Variants in YWHAE observed in about 807,000 individuals in gnomAD.
YWHAE encodes the protein 14-3-3 protein epsilon.
In YWHAE, 4 loss-of-function variants were observed where a neutral mutation model predicts 30.1. The observed-to-expected ratio is 0.13, with a 90% CI of 0.07 to 0.30. The LOEUF (loss-of-function observed/expected upper bound fraction) is 0.30. Ranked by LOEUF, YWHAE falls within the 10% of genes least tolerant of loss-of-function variation. The probability of loss-of-function intolerance (pLI) is 1.00; values close to 1 mark genes in which losing one functional copy is unlikely to be tolerated. For missense variants in YWHAE, 121 were observed against 315.9 expected (o/e 0.38, Z 4.68); for synonymous variants, 118 against 111.8 (o/e 1.06, Z -0.35).
intron 5 of YWHAE, among the ~76,000 whole-genome samples, chr17:1,349,704 C>G (rs1019740057): frequency 1.1e-4 from 17 of 151,726 alleles, no homozygotes; most frequent in African/African-American, 3.9e-4. Flanking sequence ...AGCTCCGCCT[C>G]TGGGTTCACC....
chr17:1,388,142 T>C (rs1375152186), intron 1 of YWHAE, among the ~76,000 whole-genome samples: 1 of 109,706 alleles, frequency 9.1e-6, no homozygotes, highest in Non-Finnish European at 1.8e-5. Context: ...TTTTTTTTTT[T>C]AGTAGAGACG....
chr17:1,361,396 T>C (rs1441048400), intron 3 of YWHAE, 98 bp from the exon 4 acceptor site: 1 of 969,588 alleles, frequency 1.0e-6, no homozygotes, highest in African/African-American at 1.7e-5. Context: ...ATATAAAATG[T>C]GACAAAAATA....
rs898404507 is a variant in YWHAE at position 1,396,257 on chromosome 17, T to TA, written c.64+3789dup. Among the ~76,000 whole-genome samples the TA allele has an allele frequency of 2.7e-4, 41 of 151,484 alleles. 1 individual carries two copies. Among genetic ancestry groups the TA allele is most frequent in the Middle Eastern group, 3.4e-3 (1 of 290 alleles). On this transcript the variant is annotated intron_variant, in intron 1 of 5. Transcript: ENST00000264335. ...CAACATGGAGAAACCGTGTCTCTAC[T>TA]AAAAAAGAAATACAAAATTAGCATG...
At chr17:1,388,727 A>G (rs1403054365) in intron 1 of YWHAE, among the ~76,000 whole-genome samples, 2 of 151,952 alleles carry the variant, frequency 1.3e-5, no homozygotes, top group African/African-American at 2.4e-5. Context: ...ACCCCCATCA[A>G]AATTTCAACA....
chr17:1,385,360 C>T (rs1212770508), intron 1 of YWHAE, among the ~76,000 whole-genome samples: 2 of 152,090 alleles, frequency 1.3e-5, no homozygotes, highest in East Asian at 3.8e-4. Context: ...GATCAGTCCC[C>T]CAGGCCTCCC....
chr17:1,351,585 C>G (rs555224078), intron 5 of YWHAE, among the ~76,000 whole-genome samples: 1 of 152,078 alleles, frequency 6.6e-6, no homozygotes, highest in South Asian at 2.1e-4. Context: ...ATGACCATTA[C>G]GAGTCCACAG....
intron 1 of YWHAE, among the ~76,000 whole-genome samples, chr17:1,377,755 T>A (rs2073146373): frequency 6.6e-6 from 1 of 152,168 alleles, no homozygotes; most frequent in Admixed American, 6.5e-5. Flanking sequence ...TCTTACTATG[T>A]AAAGACTTCC....
rs747128604 is a variant in YWHAE, at chr17:1,400,156, T to C, written c.-46A>G. The C allele has an allele frequency of 3.7e-6, 6 of 1,609,378 alleles. No homozygotes were observed. Among genetic ancestry groups the C allele is most frequent in the Non-Finnish European group, 5.1e-6 (6 of 1,176,042 alleles). Reference sequence around the variant, plus strand: ...GGTCTGCGCGACGGATGGAAGCGGATAGTGTCTCCGACTCTCTCAGCCTCT... The same window carrying C: ...GGTCTGCGCGACGGATGGAAGCGGACAGTGTCTCCGACTCTCTCAGCCTCT... On this transcript the variant is annotated 5_prime_UTR_variant, in exon 1 of 6. Coordinates refer to ENST00000264335, the MANE Select transcript of YWHAE (RefSeq NM_006761.5).
At chr17:1,393,359 A>C (rs543518475) in intron 1 of YWHAE, among the ~76,000 whole-genome samples, 72 of 151,928 alleles carry the variant, frequency 4.7e-4, no homozygotes, top group African/African-American at 1.7e-3. Flanking sequence ...TGAGAGGAGA[A>C]AATATTTTAA....
At chr17:1,373,273 A>G (rs116605173) in intron 1 of YWHAE, among the ~76,000 whole-genome samples, 11,542 of 152,156 alleles carry the variant, frequency 0.076, 584 homozygotes, top group Non-Finnish European at 0.12. Flanking sequence ...GAATACACAC[A>G]TCTATCAATT....
intron 1 of YWHAE, 192 bp downstream of exon 1, chr17:1,399,855 C>G (rs1303721658): frequency 1.5e-6 from 1 of 665,068 alleles, no homozygotes; most frequent in Admixed American, 2.5e-5. Context: ...TTAAGGACGG[C>G]GAAGGGGTCA....
chr17:1,355,598 T>C (rs2072727293), intron 4 of YWHAE, among the ~76,000 whole-genome samples: 1 of 152,014 alleles, frequency 6.6e-6, no homozygotes, highest in East Asian at 1.9e-4. Context: ...TTTACAGTTT[T>C]AAAAGAAAAT....
intron 1 of YWHAE, 146 bp from the exon 2 acceptor site, chr17:1,365,204 A>G: frequency 1.1e-6 from 1 of 923,884 alleles, no homozygotes; most frequent in Non-Finnish European, 1.6e-6. Context: ...AATATGAGTA[A>G]AAAGCCAAAA....
intron 1 of YWHAE, among the ~76,000 whole-genome samples, chr17:1,372,322 CTTCTA>C (rs1408648973): frequency 6.6e-6 from 1 of 152,206 alleles, no homozygotes; most frequent in African/African-American, 2.4e-5. Flanking sequence ...CAGGTTTGAT[CTTCTA>C]TTCAGACCAC....
At position 1,345,305 on chromosome 17, in the gene YWHAE, A is replaced by C. The variant is rs539907098; in HGVS notation, c.*142T>G. The C allele has an allele frequency of 1.7e-4, 135 of 802,074 alleles. 1 individual carries two copies. Among genetic ancestry groups the C allele is most frequent in the Non-Finnish European group, 2.1e-4 (109 of 508,890 alleles). The allele number at this position is 802,074 out of a possible 1,614,324, so 49.7% of individuals were successfully genotyped here. On this transcript the variant is annotated 3_prime_UTR_variant, in exon 6 of 6. Coordinates refer to ENST00000264335, the MANE Select transcript of YWHAE (RefSeq NM_006761.5). Reference sequence around the variant, plus strand: ...AAAACTGTTTAAAAAAAAAAAAAAAAAACCAACAGGGCAGGAACCTAAATT... The same window carrying C: ...AAAACTGTTTAAAAAAAAAAAAAAACAACCAACAGGGCAGGAACCTAAATT...
chr17:1,387,924 C>CTTT (rs35930155), intron 1 of YWHAE, among the ~76,000 whole-genome samples: 3,725 of 75,640 alleles, frequency 0.049, 404 homozygotes, highest in East Asian at 0.083. Context: ...CTGCACCTGG[C>CTTT]TTTTTTTTTT....
intron 5 of YWHAE, among the ~76,000 whole-genome samples, chr17:1,350,711 G>A (rs1400053029): frequency 6.6e-6 from 1 of 151,462 alleles, no homozygotes. Context: ...CAAACTGCTG[G>A]GATTACAGGC....
intron 1 of YWHAE, among the ~76,000 whole-genome samples, chr17:1,368,441 A>G (rs976429273): frequency 6.6e-6 from 1 of 151,226 alleles, no homozygotes; most frequent in Non-Finnish European, 1.5e-5. Context: ...GCAGGCATCT[A>G]TAGTGCCAGC....
chr17:1,387,751 T>C (rs550349298), intron 1 of YWHAE, among the ~76,000 whole-genome samples: 40 of 152,010 alleles, frequency 2.6e-4, no homozygotes, highest in African/African-American at 9.2e-4. Context: ...GCCTCCCGAA[T>C]AGCTGAGATT....
Sources: allele counts gnomAD v4.1 joint callset (sites outside exome capture counted in the v4.1 genomes callset), GRCh38; gene constraint gnomAD v4.1.1; transcripts MANE v1.5; gene names NCBI Gene and HGNC (gene_info 2026-07-23, HGNC 2026-07-21).